The following ZBTB20 variants were observed in gnomAD, a reference collection of about 807,000 sequenced individuals.
ZBTB20 encodes zinc finger and BTB domain-containing protein 20.
Under a neutral mutation model 56.9 loss-of-function variants are expected in ZBTB20, and 9 were observed. The observed-to-expected ratio is 0.16, with a 90% CI of 0.10 to 0.28. The LOEUF (loss-of-function observed/expected upper bound fraction) is 0.28, where lower values mean the gene tolerates loss of function less well. Ranked by LOEUF, ZBTB20 falls within the 10% of genes least tolerant of loss-of-function variation. The pLI is 1.00. For missense variants in ZBTB20, 655 were observed against 1,003.0 expected (o/e 0.65, Z 4.69); for synonymous variants, 417 against 420.7 (o/e 0.99, Z 0.11).
At chr3:114,637,526 G>A (rs753959465) in intron 6 of ZBTB20, among the ~76,000 whole-genome samples, 3 of 152,070 alleles carry the variant, frequency 2.0e-5, no homozygotes, top group Non-Finnish European at 4.4e-5. Flanking sequence ...TGTGGTGTAT[G>A]CAGACTATGT....
chr3:114,534,311 AGCAAAAAAAAAT>A (rs967484655), intron 6 of ZBTB20, among the ~76,000 whole-genome samples: 5 of 152,148 alleles, frequency 3.3e-5, no homozygotes, highest in African/African-American at 1.2e-4. Context: ...GCAAATGGAA[AGCAAAAAAAAAT>A]GCAGGGGTTG....
At chr3:114,577,329 CTTCAG>C (rs1315778340) in intron 6 of ZBTB20, among the ~76,000 whole-genome samples, 2 of 151,826 alleles carry the variant, frequency 1.3e-5, no homozygotes, top group African/African-American at 4.8e-5. Context: ...TGCCACAAGC[CTTCAG>C]TTTGTGAAAA....
At chr3:114,613,988 C>T (rs1429580313) in intron 6 of ZBTB20, among the ~76,000 whole-genome samples, 1 of 152,070 alleles carries the variant, frequency 6.6e-6, no homozygotes, top group African/African-American at 2.4e-5. Context: ...TATGGTCCCC[C>T]ACCTCCTTCT....
chr3:114,725,911 G>A (rs2065242597), intron 5 of ZBTB20, among the ~76,000 whole-genome samples: 1 of 152,204 alleles, frequency 6.6e-6, no homozygotes, highest in Admixed American at 6.5e-5. Context: ...GTGAGGCAGG[G>A]TAAGCTACCG....
At chr3:114,895,404 T>C (rs145754545) in intron 4 of ZBTB20, among the ~76,000 whole-genome samples, 2 of 152,292 alleles carry the variant, frequency 1.3e-5, no homozygotes, top group Non-Finnish European at 2.9e-5. Context: ...ATGAGAGTTG[T>C]CTGGGTTGTG....
intron 6 of ZBTB20, among the ~76,000 whole-genome samples, chr3:114,586,078 T>C (rs2055147331): frequency 6.6e-6 from 1 of 152,208 alleles, no homozygotes; most frequent in South Asian, 2.1e-4. Flanking sequence ...CTGTTTACCA[T>C]TCAGACTTGT....
rs577662921 is a variant in ZBTB20, at chr3:114,592,482, T to C, written c.-294-92091A>G. ...ATTATTAAAAATGGTTGTATTTAAGTGCATTTTCCCAAATAGTGAGTTTCC... is the reference window on the plus strand; with the variant it reads ...ATTATTAAAAATGGTTGTATTTAAGCGCATTTTCCCAAATAGTGAGTTTCC... On this transcript the variant is annotated intron_variant, in intron 6 of 11. Coordinates refer to ENST00000675478, the MANE Select transcript of ZBTB20 (RefSeq NM_001348800.3). 3.9e-4 allele frequency among the ~76,000 whole-genome samples: 59 copies of C among 152,326 alleles called. 2 individuals are homozygous for C. In the South Asian group the frequency reaches 4.6e-3, roughly 12 times the overall value.
In ZBTB20 at chr3:115,100,427, GGA is replaced by G. The variant is rs141039928; in HGVS notation, c.-702-29015_-702-29014del. On this transcript the variant is annotated intron_variant, in intron 1 of 11. Transcript: ENST00000675478. ...GCAAGCGAGTAAGAGAGAGAGAAGA[GGA>G]GAGAGAGAGAGAGAGAAAGAAAAAC... 9.9e-3 allele frequency: 1,487 copies of G among 149,750 alleles called. 9 individuals are homozygous for G. The highest frequency in any genetic ancestry group is 0.016 in the Non-Finnish European group (1,046 of 67,252). 9.3% of individuals were successfully genotyped at this position (149,750 alleles called of 1,614,324 possible).
chr3:114,512,539 A>G (rs1199997868), intron 6 of ZBTB20, among the ~76,000 whole-genome samples: 1 of 151,948 alleles, frequency 6.6e-6, no homozygotes, highest in African/African-American at 2.4e-5. Flanking sequence ...CTTGTTCTTT[A>G]TTTGTTTTTA....
intron 10 of ZBTB20, among the ~76,000 whole-genome samples, chr3:114,364,931 G>C (rs936584386): frequency 4.6e-5 from 7 of 151,992 alleles, no homozygotes; most frequent in South Asian, 2.1e-4. Flanking sequence ...AACTTCTCTA[G>C]GCTCGGTGGC....
chr3:114,865,365 G>A (rs1560338193), intron 4 of ZBTB20, among the ~76,000 whole-genome samples: 2 of 152,128 alleles, frequency 1.3e-5, no homozygotes, highest in Non-Finnish European at 2.9e-5. Context: ...CCCACATACA[G>A]TATTCTGAAA....
Position 114,406,022 on chromosome 3 carries a change from C to A in ZBTB20, c.-254-16917G>T, listed in dbSNP as rs1341702403. Among the ~76,000 whole-genome samples the A allele has an allele frequency of 2.7e-5, 4 of 150,638 alleles. No individual in the cohort carries two copies. The South Asian group carries it at 6.3e-4, about 24-fold the overall frequency. On this transcript the variant is annotated intron_variant, in intron 7 of 11. Coordinates refer to ENST00000675478, the MANE Select transcript of ZBTB20 (RefSeq NM_001348800.3). The stretch of plus-strand genomic sequence containing the variant: ...TTGCTGAGCAGATTAAAAAAAAAAA[C>A]CCTACATGCCAAGTAGAAACACTGG...
At chr3:114,393,732 G>A (rs2086091732) in intron 7 of ZBTB20, among the ~76,000 whole-genome samples, 1 of 152,146 alleles carries the variant, frequency 6.6e-6, no homozygotes, top group African/African-American at 2.4e-5. Context: ...GGCTGCTGAT[G>A]CCACAAATTC....
At chr3:114,725,076 T>C (rs1318756850) in intron 5 of ZBTB20, among the ~76,000 whole-genome samples, 1 of 152,124 alleles carries the variant, frequency 6.6e-6, no homozygotes, top group East Asian at 1.9e-4. Context: ...ATAAAGACAG[T>C]TATAAAGGAA....
Position 114,339,164 on chromosome 3 carries a change from C to T in ZBTB20, c.2067G>A (p.Gly689=). The change falls in exon 12 of 12, where the codon GGG becomes GGA. Residue 689 remains glycine (G), a synonymous_variant. Coordinates refer to ENST00000675478, the MANE Select transcript of ZBTB20 (RefSeq NM_001348800.3). This position sits in a 1 kb window ranked among gnomAD's most constrained non-coding sequence, Gnocchi z 4.2. Reference sequence around the variant, plus strand: ...CTGGGGGTGTGCCTGCAGGGGGGGTCCCATTGCTGGCACTGTGCAGGGCCA... The same window carrying T: ...CTGGGGGTGTGCCTGCAGGGGGGGTTCCATTGCTGGCACTGTGCAGGGCCA... ...RHVALHSASN[G]TPPAGTPPGA... is the part of the protein sequence containing the mutation. 1 of 1,614,066 alleles carries T rather than the reference C, an allele frequency of 6.2e-7. No homozygotes were observed. The highest frequency in any genetic ancestry group is 8.5e-7 in the Non-Finnish European group (1 of 1,179,932).
chr3:114,803,584 G>A (rs2071876889), intron 4 of ZBTB20, among the ~76,000 whole-genome samples: 2 of 151,758 alleles, frequency 1.3e-5, no homozygotes, highest in African/African-American at 4.8e-5. Flanking sequence ...GATATGAATA[G>A]TGCTCCTCTT....
intron 2 of ZBTB20, among the ~76,000 whole-genome samples, chr3:115,029,057 C>G (rs976599207): frequency 4.7e-5 from 7 of 149,372 alleles, no homozygotes; most frequent in Non-Finnish European, 7.5e-5. Flanking sequence ...TGCTTGTTTA[C>G]TATACACACA....
At chr3:114,793,570 T>C (rs2071127958) in intron 5 of ZBTB20, among the ~76,000 whole-genome samples, 1 of 152,164 alleles carries the variant, frequency 6.6e-6, no homozygotes, top group Admixed American at 6.6e-5. Context: ...GCCATTATGA[T>C]ATAATTATAA....
chr3:114,523,780 G>T (rs1255664545), intron 6 of ZBTB20, among the ~76,000 whole-genome samples: 1 of 152,180 alleles, frequency 6.6e-6, no homozygotes, highest in African/African-American at 2.4e-5. Flanking sequence ...AAGGTTCTAA[G>T]TTGAGCGTAA....
Sources: gnomAD v4.1 joint callset for allele counts (sites outside exome capture counted in the v4.1 genomes callset) on GRCh38, gnomAD v4.1.1 for gene constraint, Gnocchi (gnomAD v3.1) non-coding constraint, MANE v1.5 for transcripts, NCBI Gene and HGNC (gene_info 2026-07-23, HGNC 2026-07-21) for gene names.